XKR9: variants seen among roughly 807,000 people sequenced by gnomAD.
The protein encoded by XKR9 is XK related 9.
A neutral mutation model predicts 32.0 loss-of-function variants in XKR9; 32 were observed. The observed-to-expected ratio is 1.00, with a 90% CI of 0.76 to 1.34. The LOEUF (loss-of-function observed/expected upper bound fraction) is 1.34. Among genes scored for constraint, XKR9 ranks in the 40% most tolerant of loss-of-function variants. The probability of loss-of-function intolerance (pLI) is 0.00; values close to 1 mark genes in which losing one functional copy is unlikely to be tolerated. For synonymous variants in XKR9, 168 were observed against 143.4 expected, an observed-to-expected ratio of 1.17 and a Z score of -1.22; for missense variants, 546 against 429.7, an observed-to-expected ratio of 1.27 and a Z score of -2.39.
At chr8:70,672,871 A>G (rs1280246741) in intron 1 of XKR9, among the ~76,000 whole-genome samples, 1 of 152,116 alleles carries the variant, frequency 6.6e-6, no homozygotes. Flanking sequence ...TCTTTTGAGA[A>G]TCGTCTATTC....
At chr8:70,740,924 C>T (rs1305831261), downstream of XKR9, among the ~76,000 whole-genome samples, 1 of 152,194 alleles carries the variant, frequency 6.6e-6, no homozygotes, top group Admixed American at 6.5e-5. Flanking sequence ...GGGTCAGGGA[C>T]CCACTTGAGG....
chr8:71,054,730 G>GT, the XKR9 span, among the ~76,000 whole-genome samples: 7 of 151,976 alleles, frequency 4.6e-5, no homozygotes, highest in African/African-American at 1.2e-4. Flanking sequence ...CTTAATATAT[G>GT]TTTTTTTCAA....
chr8:70,680,480 C>T (rs534099205), intron 2 of XKR9, among the ~76,000 whole-genome samples: 61 of 152,068 alleles, frequency 4.0e-4, no homozygotes, highest in Admixed American at 7.9e-4. Flanking sequence ...ATGGATCTAC[C>T]TTTATTTACT....
At chr8:70,981,089 T>G in the XKR9 span, among the ~76,000 whole-genome samples, 1 of 152,262 alleles carries the variant, frequency 6.6e-6, no homozygotes, top group Admixed American at 6.5e-5. Flanking sequence ...TTTGTCTTGA[T>G]TTTAGATAGC....
the XKR9 span, among the ~76,000 whole-genome samples, chr8:70,834,172 C>G: frequency 6.6e-6 from 1 of 151,586 alleles, no homozygotes; most frequent in Non-Finnish European, 1.5e-5. Context: ...GTGTTTTGCA[C>G]TTAAAATCTT....
At chr8:70,781,935 T>G (rs796903262) in intron 2 of XKR9, among the ~76,000 whole-genome samples, 14 of 152,298 alleles carry the variant, frequency 9.2e-5, no homozygotes, top group African/African-American at 3.4e-4. Context: ...CACTATGGAT[T>G]TAGGAAAACA....
the XKR9 span, among the ~76,000 whole-genome samples, chr8:70,851,118 A>G: frequency 1.3e-5 from 2 of 152,226 alleles, no homozygotes; most frequent in African/African-American, 4.8e-5. Flanking sequence ...AAAAATCACA[A>G]GCATTCCTAT....
At chr8:70,994,747 G>GTTTTTTTTTTTTTTTTTTCTTT in the XKR9 span, among the ~76,000 whole-genome samples, 1 of 126,884 alleles carries the variant, frequency 7.9e-6, no homozygotes, top group African/African-American at 2.9e-5. Flanking sequence ...GTTATATTCT[G>GTTTTTTTTTTTTTTTTTTCTTT]TTTTTTTTTT....
At chr8:70,880,306 T>C in the XKR9 span, among the ~76,000 whole-genome samples, 1 of 152,182 alleles carries the variant, frequency 6.6e-6, no homozygotes, top group East Asian at 1.9e-4. Context: ...ATAAAGGGTA[T>C]TCAATTGGAA....
the XKR9 span, among the ~76,000 whole-genome samples, chr8:70,956,845 C>T: frequency 6.6e-6 from 1 of 152,298 alleles, no homozygotes; most frequent in East Asian, 1.9e-4. Flanking sequence ...CACTTTCAAG[C>T]CTGCAGGGTC....
the XKR9 span, among the ~76,000 whole-genome samples, chr8:70,891,482 T>C: frequency 6.6e-6 from 1 of 152,014 alleles, no homozygotes; most frequent in Non-Finnish European, 1.5e-5. Flanking sequence ...TTTTGGTGTG[T>C]TGTATTTCTT....
the XKR9 span, among the ~76,000 whole-genome samples, chr8:70,893,681 G>A: frequency 6.6e-6 from 1 of 152,248 alleles, no homozygotes; most frequent in South Asian, 2.1e-4. Flanking sequence ...CAGTGGCAGT[G>A]GTGTAGGCTG....
the XKR9 span, among the ~76,000 whole-genome samples, chr8:71,033,486 T>A: frequency 6.6e-6 from 1 of 152,088 alleles, no homozygotes; most frequent in African/African-American, 2.4e-5. Context: ...GGTTTGGATG[T>A]GGTTTGTCCC....
intron 2 of XKR9, among the ~76,000 whole-genome samples, chr8:70,742,212 A>G (rs1806997187): frequency 6.6e-6 from 1 of 152,236 alleles, no homozygotes; most frequent in South Asian, 2.1e-4. Flanking sequence ...AAACTGGGCA[A>G]AAACTCAGTA....
chr8:70,753,210 C>A (rs1177606315), intron 2 of XKR9, among the ~76,000 whole-genome samples: 12 of 152,180 alleles, frequency 7.9e-5, no homozygotes, highest in African/African-American at 2.7e-4. Flanking sequence ...CCAACACTAA[C>A]CCAGGAAGAA....
chr8:70,877,882 A>C, the XKR9 span, among the ~76,000 whole-genome samples: 2 of 152,240 alleles, frequency 1.3e-5, no homozygotes, highest in Non-Finnish European at 2.9e-5. Context: ...GTTGAAATGA[A>C]GGAAAAAGTG....
intron 2 of XKR9, among the ~76,000 whole-genome samples, chr8:70,745,857 C>T (rs1807051258): frequency 6.6e-6 from 1 of 152,128 alleles, no homozygotes; most frequent in Non-Finnish European, 1.5e-5. Context: ...AAATCTTGTC[C>T]TTGTGATTGT....
chr8:70,757,097 T>G (rs553038561), intron 2 of XKR9, among the ~76,000 whole-genome samples: 4 of 152,254 alleles, frequency 2.6e-5, no homozygotes, highest in Non-Finnish European at 5.9e-5. Flanking sequence ...TCTATTGAGA[T>G]AATCATGTGA....
rs1439425518 is a variant in XKR9, at chr8:70,784,392, A to G, written n.353-4947A>G. ...CTTTGATTTCTTTCATGATTTTTTT[A>G]TAGTTTTTAGTGTACAGATTTTTTT... On this transcript the variant is annotated intron_variant and non_coding_transcript_variant, in intron 2 of 3. Transcript: ENST00000520273. Among the ~76,000 whole-genome samples the G allele has an allele frequency of 1.5e-4, 22 of 146,232 alleles. No individual in the cohort carries two copies. In the Admixed American group the frequency reaches 1.5e-3, roughly 10 times the overall value.
Sources: allele counts gnomAD v4.1 joint callset (sites outside exome capture counted in the v4.1 genomes callset), GRCh38; gene constraint gnomAD v4.1.1; transcripts MANE v1.5; gene names NCBI Gene and HGNC (gene_info 2026-07-23, HGNC 2026-07-21).